Variants in ARMC10 observed in about 807,000 individuals in gnomAD.
ARMC10 encodes the protein armadillo repeat-containing protein 10.
Under a neutral mutation model 30.2 loss-of-function variants are expected in ARMC10, and 23 were observed. That is an observed-to-expected ratio of 0.76 (90% CI 0.55 to 1.08). The LOEUF (loss-of-function observed/expected upper bound fraction) is 1.08. Among genes scored for constraint, ARMC10 ranks in the 50% least tolerant of loss-of-function variants. ARMC10 has a pLI of 0.00. For missense variants in ARMC10, 303 were observed against 413.7 expected, an observed-to-expected ratio of 0.73 and a Z score of 2.32; for synonymous variants, 111 against 164.4, an observed-to-expected ratio of 0.68 and a Z score of 2.48.
Position 103,098,774 on chromosome 7 carries a change from G to C in ARMC10, c.*221G>C, listed in dbSNP as rs1245830809. On this transcript the variant is annotated 3_prime_UTR_variant, in exon 7 of 7. Transcript: ENST00000323716. ...GAAACCATTTATTTCTTTCTATTTTGCTATTTGCAAATGCTTGTTATCTTC... is the reference window on the plus strand; with the variant it reads ...GAAACCATTTATTTCTTTCTATTTTCCTATTTGCAAATGCTTGTTATCTTC... 1 of 478,782 alleles carries C rather than the reference G, an allele frequency of 2.1e-6. No homozygotes were observed. Among genetic ancestry groups the C allele is most frequent in the Non-Finnish European group, 3.4e-6 (1 of 292,286 alleles). The allele number at this position is 478,782 out of a possible 1,614,324, so 29.7% of individuals were successfully genotyped here. A position where few individuals can be genotyped will look rare whatever the true frequency, so the allele number is the denominator to read the frequency against.
At chr7:103,094,940 C>T (rs1165351627) in intron 5 of ARMC10, among the ~76,000 whole-genome samples, 2 of 133,300 alleles carry the variant, frequency 1.5e-5, no homozygotes, top group Non-Finnish European at 3.3e-5. Context: ...TTTATCATGA[C>T]CAAGTAGTAA....
intron 2 of ARMC10, among the ~76,000 whole-genome samples, chr7:103,079,789 CA>C (rs1800214762): frequency 6.6e-6 from 1 of 151,950 alleles, no homozygotes; most frequent in African/African-American, 2.4e-5. Context: ...GACCCTGTTT[CA>C]AAAAATATAT....
In ARMC10 at chr7:103,075,361, G is replaced by A. The variant is rs1799606002; in HGVS notation, c.89G>A (p.Gly30Asp). ...ACYCIYRLTRGRRRGDRELGI... is the reference protein window; with the variant it reads ...ACYCIYRLTRDRRRGDRELGI... ...TACTGCATTTACAGGCTGACCCGGG[G>A]TCGGCGGCGGGGCGACCGCGAGCTC... The change falls in exon 1 of 7, where the codon GGT (glycine) becomes GAT (aspartate). Residue 30 changes from glycine to aspartate, a missense_variant. By Grantham distance (94) the Gly-to-Asp change is moderately conservative. Transcript: ENST00000323716. 7.8e-7 allele frequency: 1 copy of A among 1,277,764 alleles called. No homozygotes were observed. The highest frequency in any genetic ancestry group is 2.9e-5 in the East Asian group (1 of 34,632). The allele number at this position is 1,277,764 out of a possible 1,614,324, so 79.2% of individuals were successfully genotyped here. A position where few individuals can be genotyped will look rare whatever the true frequency, so the allele number is the denominator to read the frequency against.
At chr7:103,097,124 A>T in intron 5 of ARMC10, 153 bp from the exon 6 acceptor site, 1 of 660,472 alleles carries the variant, frequency 1.5e-6, no homozygotes, top group Non-Finnish European at 2.7e-6. Flanking sequence ...AAGTAGAATG[A>T]ACGGAGAAGG....
chr7:103,089,598 G>A (rs888915182), intron 4 of ARMC10: 6 of 159,394 alleles, frequency 3.8e-5, no homozygotes, highest in African/African-American at 9.6e-5. Flanking sequence ...ACCAGCTTTT[G>A]TTCAGTTGCC....
Position 103,083,686 on chromosome 7 carries a change from C to A in ARMC10, c.249C>A (p.Asp83Glu). 2 of 1,608,416 alleles carry A rather than the reference C, an allele frequency of 1.2e-6. No homozygotes were observed. The highest frequency in any genetic ancestry group is 8.5e-7 in the Non-Finnish European group (1 of 1,177,712). ...SQWSKTSQPE[D>E]LTDGSYDDVL... ...AATAACTTTCTTCTTATGCAGAAGA[C>A]TTAACTGATGGTTCATATGATGATG... Residue 83 changes from aspartate (D) to glutamate (E), a missense_variant, in exon 3 of 7, where the codon GAC becomes GAA. Transcript: ENST00000323716.
intron 2 of ARMC10, among the ~76,000 whole-genome samples, chr7:103,079,150 T>C (rs1800156101): frequency 1.3e-5 from 2 of 152,076 alleles, no homozygotes; most frequent in Non-Finnish European, 2.9e-5. Flanking sequence ...GTCTCAACTA[T>C]GAATAAAGAT....
Position 103,087,023 on chromosome 7 carries a change from T to G in ARMC10, c.528+259T>G, listed in dbSNP as rs927827867. ...CATCAGGGACAGGCACTGGTGACAG[T>G]AATAGCCTTAAGGCTATAGGCACCA... On this transcript the variant is annotated intron_variant, in intron 4 of 6. Coordinates refer to ENST00000323716, the MANE Select transcript of ARMC10 (RefSeq NM_031905.5). The G allele has an allele frequency of 5.1e-6, 5 of 973,886 alleles. No homozygotes were observed. In the African/African-American group the frequency reaches 8.4e-5, roughly 16 times the overall value. The allele number at this position is 973,886 out of a possible 1,614,324, so 60.3% of individuals were successfully genotyped here. A position where few individuals can be genotyped will look rare whatever the true frequency, so the allele number is the denominator to read the frequency against.
At chr7:103,083,283 T>G (rs1219068375) in intron 2 of ARMC10, among the ~76,000 whole-genome samples, 4 of 152,226 alleles carry the variant, frequency 2.6e-5, no homozygotes, top group Non-Finnish European at 4.4e-5. Context: ...TGCTTAATAC[T>G]GTGCCTGCCA....
At chr7:103,094,682 G>A (rs937948078) in intron 5 of ARMC10, among the ~76,000 whole-genome samples, 1 of 152,030 alleles carries the variant, frequency 6.6e-6, no homozygotes, top group East Asian at 1.9e-4. Context: ...TATTCCTAGT[G>A]TTGCTGATAG....
chr7:103,081,431 A>G (rs7349957), intron 2 of ARMC10, among the ~76,000 whole-genome samples: 133,446 of 152,286 alleles, frequency 0.88, 61,172 homozygotes, highest in East Asian at 1. Context: ...GAGTGCAGTG[A>G]TGCAATCTCA....
chr7:103,090,212 A>G (rs192698491), intron 4 of ARMC10, among the ~76,000 whole-genome samples: 12 of 152,364 alleles, frequency 7.9e-5, no homozygotes, highest in Non-Finnish European at 1.8e-4. Flanking sequence ...TTCAGATATA[A>G]TAAGGATGTA....
Position 103,092,478 on chromosome 7 carries a change from T to C in ARMC10, c.530T>C (p.Ile177Thr), listed in dbSNP as rs765500096. Residue 177 changes from isoleucine to threonine, a missense_variant and splice_region_variant, in exon 5 of 7, where the codon ATA becomes ACA. Around this residue, in one of 4 missense-constraint regions of ARMC10, gnomAD observed 170 missense variants for 207.2 expected, o/e 0.82. Transcript: ENST00000323716. ...CTCATTTTCCTCCCCTGCCTTCAGATATACATCAGTCAAGTATGTGAGGAT... is the reference window on the plus strand; with the variant it reads ...CTCATTTTCCTCCCCTGCCTTCAGACATACATCAGTCAAGTATGTGAGGAT... ...VNVENQIKIK[I>T]YISQVCEDVF... 1.4e-5 allele frequency: 22 copies of C among 1,572,698 alleles called. No individual in the cohort carries two copies. In the Admixed American group the frequency reaches 2.4e-4, roughly 17 times the overall value.
At chr7:103,082,053 T>C in intron 2 of ARMC10, 1 of 364,596 alleles carries the variant, frequency 2.7e-6, no homozygotes, top group Non-Finnish European at 5.4e-6. Flanking sequence ...CCCCAAATTC[T>C]TTCCGTTCTA....
chr7:103,076,571 TCA>T (rs1190313767), intron 2 of ARMC10, among the ~76,000 whole-genome samples: 1 of 152,230 alleles, frequency 6.6e-6, no homozygotes, highest in Non-Finnish European at 1.5e-5. Flanking sequence ...GTGTGGTGGC[TCA>T]CACCTGTAAT....
chr7:103,077,492 G>T (rs948046803), intron 2 of ARMC10, among the ~76,000 whole-genome samples: 2 of 152,142 alleles, frequency 1.3e-5, no homozygotes, highest in African/African-American at 4.8e-5. Context: ...CAAGGCCAGA[G>T]GGGCAAGTGT....
intron 4 of ARMC10, chr7:103,088,716 T>TC (rs1440690528): frequency 1.0e-5 from 2 of 196,670 alleles, no homozygotes; most frequent in Non-Finnish European, 2.4e-5. Context: ...AGAGATATTT[T>TC]CATGAGCCTG....
intron 2 of ARMC10, among the ~76,000 whole-genome samples, chr7:103,076,748 T>C (rs1563313999): frequency 6.6e-6 from 1 of 152,122 alleles, no homozygotes; most frequent in Non-Finnish European, 1.5e-5. Flanking sequence ...GGCAGGAGAA[T>C]CACTTGAACC....
intron 2 of ARMC10, among the ~76,000 whole-genome samples, chr7:103,078,387 T>A (rs1415221487): frequency 6.6e-6 from 1 of 152,216 alleles, no homozygotes; most frequent in Non-Finnish European, 1.5e-5. Flanking sequence ...CTCGTGATAG[T>A]TCTCAGGAGA....
Sources: allele counts gnomAD v4.1 joint callset (sites outside exome capture counted in the v4.1 genomes callset), GRCh38; gene constraint gnomAD v4.1.1; regional missense constraint gnomAD v4.1.1; transcripts MANE v1.5; gene names NCBI Gene and HGNC (gene_info 2026-07-23, HGNC 2026-07-21).